Variants in DMD observed in about 807,000 individuals in gnomAD.
The protein encoded by DMD is dystrophin, also known as mutant dystrophin.
A neutral mutation model predicts 330.1 loss-of-function variants in DMD; 63 were observed. The ratio of observed to expected loss-of-function variants is 0.19; its 90% CI spans 0.16 to 0.24. The LOEUF is 0.24. Among genes scored for constraint, DMD ranks in the 10% least tolerant of loss-of-function variants. The probability of loss-of-function intolerance (pLI) is 1.00; values close to 1 mark genes in which losing one functional copy is unlikely to be tolerated. For missense variants in DMD, 3,344 were observed against 2,684.1 expected (o/e 1.25, Z -5.43); for synonymous variants, 1,223 against 959.8 (o/e 1.27, Z -5.07).
Position 32,033,665 on chromosome X carries a change from AAAGAAAGGAAG to A in DMD, c.6439-65162_6439-65152del, listed in dbSNP as rs1303849692. Among the ~76,000 whole-genome samples the A allele has an allele frequency of 7.6e-3, 552 of 72,407 alleles. 14 individuals are homozygous for A. The highest frequency in any genetic ancestry group is 0.029 in the African/African-American group (512 of 17,442). 62.9% of individuals were successfully genotyped at this position (72,407 alleles called of 115,157 possible). A position where few individuals can be genotyped will look rare whatever the true frequency, so the allele number is the denominator to read the frequency against. On this transcript the variant is annotated intron_variant, in intron 44 of 78. Coordinates refer to ENST00000357033, the MANE Select transcript of DMD (RefSeq NM_004006.3). ...AGAAAGAAAGAAAGAAGAAAGAAAG[AAAGAAAGGAAG>A]GAAAGAAAGAAAGAGAAAGAAAGAA...
chrX:32,729,328 G>A (rs1603289743), intron 7 of DMD, among the ~76,000 whole-genome samples: 1 of 111,952 alleles, frequency 8.9e-6, no homozygotes, highest in African/African-American at 3.2e-5. Context: ...ATATTTTGGG[G>A]CAAGTTTTAT....
intron 4 of DMD, among the ~76,000 whole-genome samples, chrX:32,838,182 T>C (rs761480652): frequency 8.9e-6 from 1 of 112,047 alleles, no homozygotes; most frequent in African/African-American, 3.2e-5. Context: ...TGACTGTAAC[T>C]TTCTTGAATA....
At chrX:31,670,818 T>G (rs1199437294) in intron 53 of DMD, among the ~76,000 whole-genome samples, 1 of 111,602 alleles carries the variant, frequency 9.0e-6, no homozygotes, top group Non-Finnish European at 1.9e-5. Context: ...CTGCAAAGAC[T>G]CTATTTCTAC....
rs1358288025 is a variant in DMD at position 31,121,853 on chromosome X, C to G, written c.*66G>C. 1 of 1,201,863 alleles carries G rather than the reference C, an allele frequency of 8.3e-7. No homozygotes were observed. The highest frequency in any genetic ancestry group is 2.2e-5 in the Admixed American group (1 of 46,016). The stretch of plus-strand genomic sequence containing the variant: ...AACATTTATTCTGCTCCTTCTTCAT[C>G]TGTCATGACTGATACTAAGGACTCC... On this transcript the variant is annotated 3_prime_UTR_variant, in exon 79 of 79. Transcript: ENST00000357033.
intron 48 of DMD, among the ~76,000 whole-genome samples, chrX:31,840,170 T>C (rs1461638366): frequency 8.9e-6 from 1 of 111,887 alleles, no homozygotes; most frequent in African/African-American, 3.2e-5. Flanking sequence ...TTTCATAGTA[T>C]TTATACATTA....
intron 9 of DMD, among the ~76,000 whole-genome samples, chrX:32,651,345 G>T (rs983333799): frequency 9.1e-6 from 1 of 110,447 alleles, no homozygotes; most frequent in East Asian, 2.9e-4. Context: ...GTTTCAACAC[G>T]TTGGCCAGGC....
At chrX:31,581,261 C>T (rs764243311) in intron 55 of DMD, among the ~76,000 whole-genome samples, 103 of 111,676 alleles carry the variant, frequency 9.2e-4, no homozygotes, top group African/African-American at 3.2e-3. Context: ...TGCCTGTCTG[C>T]GAATTTTCCT....
At chrX:32,648,899 T>C (rs759282515) in intron 9 of DMD, among the ~76,000 whole-genome samples, 9 of 111,534 alleles carry the variant, frequency 8.1e-5, no homozygotes, top group African/African-American at 1.3e-4. Context: ...TCTAGGAAAG[T>C]TGGTTTTTGT....
At chrX:32,783,397 A>T (rs1222598326) in intron 7 of DMD, among the ~76,000 whole-genome samples, 1 of 105,624 alleles carries the variant, frequency 9.5e-6, no homozygotes, top group Non-Finnish European at 2.0e-5. Flanking sequence ...ATATATATAC[A>T]CACACACCCC....
At chrX:32,644,443 T>C (rs2059658097) in intron 10 of DMD, 130 bp from the exon 11 acceptor site, 1 of 734,950 alleles carries the variant, frequency 1.4e-6, no homozygotes, top group East Asian at 3.4e-5. Flanking sequence ...AGGAATTTAA[T>C]TTGTATTTGC....
chrX:31,256,620 T>G (rs1465781197), intron 63 of DMD, among the ~76,000 whole-genome samples: 1 of 111,802 alleles, frequency 8.9e-6, no homozygotes, highest in African/African-American at 3.3e-5. Flanking sequence ...ACATCTGCAT[T>G]TTTCACAACT....
chrX:31,647,333 G>A lies in DMD; in HGVS notation c.8027+10657C>T, dbSNP rs147608031. ...AGATTTGGGATGGAACAACAGTTCC[G>A]TTTAAGCAGAGGTCAAAAGCTAGAC... On this transcript the variant is annotated intron_variant, in intron 54 of 78. Coordinates refer to ENST00000357033, the MANE Select transcript of DMD (RefSeq NM_004006.3). Among the ~76,000 whole-genome samples the A allele has an allele frequency of 2.1e-4, 23 of 111,840 alleles. No individual in the cohort carries two copies. The East Asian group carries it at 6.2e-3, about 30-fold the overall frequency.
At chrX:32,534,717 A>T (rs2047794441) in intron 17 of DMD, among the ~76,000 whole-genome samples, 1 of 111,330 alleles carries the variant, frequency 9.0e-6, no homozygotes, top group South Asian at 3.7e-4. Context: ...TCTTCTTATA[A>T]GGGCCCTAAT....
rs187880618 is a variant in DMD at position 31,185,495 on chromosome X, G to A, written c.9808-2591C>T. ...TGCCGGTCTGCTGTAAACCCATACA[G>A]TTTTAAATTTTGATTATTGTACTTT... On this transcript the variant is annotated intron_variant, in intron 67 of 78. Coordinates refer to ENST00000357033, the MANE Select transcript of DMD (RefSeq NM_004006.3). Among the ~76,000 whole-genome samples the A allele has an allele frequency of 2.2e-3, 249 of 111,847 alleles. 1 individual carries two copies. The highest frequency in any genetic ancestry group is 7.5e-3 in the African/African-American group (230 of 30,755).
chrX:31,401,496 T>G lies in DMD; in HGVS notation c.9084+42985A>C, dbSNP rs1289106707. Among the ~76,000 whole-genome samples the G allele has an allele frequency of 2.7e-5, 3 of 112,027 alleles. No homozygotes were observed. In the Admixed American group the frequency reaches 2.9e-4, roughly 11 times the overall value. Reference sequence around the variant, plus strand: ...TCAGCTAACATTTATTAAATCCTATTTCAGCTAGTGAGCTAAGCACCTGAT... The same window carrying G: ...TCAGCTAACATTTATTAAATCCTATGTCAGCTAGTGAGCTAAGCACCTGAT... On this transcript the variant is annotated intron_variant, in intron 60 of 78. Transcript: ENST00000357033.
intron 38 of DMD, among the ~76,000 whole-genome samples, chrX:32,347,622 G>A (rs2097768389): frequency 9.0e-6 from 1 of 111,702 alleles, no homozygotes. Flanking sequence ...ATTGTCTTCT[G>A]ATGTCACTTT....
chrX:33,086,703 TAA>T (rs1216525256), intron 1 of DMD, among the ~76,000 whole-genome samples: 1 of 110,320 alleles, frequency 9.1e-6, no homozygotes, highest in Non-Finnish European at 1.9e-5. Flanking sequence ...TGTTAGATTT[TAA>T]AGTGTATGTT....
upstream of DMD, among the ~76,000 whole-genome samples, chrX:33,214,679 A>C (rs1403175306): frequency 8.9e-6 from 1 of 111,883 alleles, no homozygotes; most frequent in Non-Finnish European, 1.9e-5. Flanking sequence ...TAAGAGATGG[A>C]GGCTTGCTCT....
chrX:31,918,881 C>A (rs1199493394), intron 47 of DMD, among the ~76,000 whole-genome samples: 1 of 111,776 alleles, frequency 8.9e-6, no homozygotes, highest in Admixed American at 9.5e-5. Flanking sequence ...AAGTGGCCTG[C>A]CCTCCTTGGC....
Sources: allele counts gnomAD v4.1 joint callset (sites outside exome capture counted in the v4.1 genomes callset), GRCh38; gene constraint gnomAD v4.1.1; transcripts MANE v1.5; gene names NCBI Gene and HGNC (gene_info 2026-07-23, HGNC 2026-07-21).